SPECC1: variants seen among roughly 807,000 people sequenced by gnomAD.
The protein encoded by SPECC1 is cytospin-B.
SPECC1 carries 62 observed loss-of-function variants against 104.1 expected under a neutral mutation model. That is an observed-to-expected ratio of 0.60 (90% CI 0.49 to 0.74). The LOEUF is 0.74. Ranked by LOEUF, SPECC1 falls within the 30% of genes least tolerant of loss-of-function variation. The pLI is 0.00. For synonymous variants in SPECC1, 513 were observed against 501.6 expected (o/e 1.02, Z -0.30); for missense variants, 1,306 against 1,310.5 (o/e 1.00, Z 0.05).
chr17:20,051,074 TTC>T (rs762236875), intron 1 of SPECC1, among the ~76,000 whole-genome samples: 924 of 63,562 alleles, frequency 0.015, 20 homozygotes, highest in South Asian at 0.033. Flanking sequence ...TTCTTTTTCT[TTC>T]TTTCTTTCTT....
intron 4 of SPECC1, 68 bp from the exon 5 acceptor site, chr17:20,227,345 C>T: frequency 7.2e-7 from 1 of 1,388,114 alleles, no homozygotes; most frequent in Non-Finnish European, 1.0e-6. Context: ...GCTTGGCCTT[C>T]TAGTGTACAG....
chr17:20,144,300 C>A (rs1201874873), intron 3 of SPECC1, among the ~76,000 whole-genome samples: 1 of 148,442 alleles, frequency 6.7e-6, no homozygotes, highest in Non-Finnish European at 1.5e-5. Flanking sequence ...AAGTGATTCT[C>A]CTGCCTCAGA....
rs561486413 is a variant in SPECC1 at position 20,255,856 on chromosome 17, G to A, written c.2681-1595G>A. 3.3e-5 allele frequency among the ~76,000 whole-genome samples: 5 copies of A among 151,952 alleles called. No individual in the cohort carries two copies. In the East Asian group the frequency reaches 7.7e-4, roughly 24 times the overall value. On this transcript the variant is annotated intron_variant, in intron 10 of 14. Coordinates refer to ENST00000395527, the MANE Select transcript of SPECC1 (RefSeq NM_001243439.2). Reference sequence around the variant, plus strand: ...CAAAGCGCTGGGATTACAGTTATGAGCCATCATGCCTGGCCAAGAAACCAT... The same window carrying A: ...CAAAGCGCTGGGATTACAGTTATGAACCATCATGCCTGGCCAAGAAACCAT...
chr17:20,279,270 AG>A (rs1432426194), intron 12 of SPECC1, among the ~76,000 whole-genome samples: 2 of 150,044 alleles, frequency 1.3e-5, no homozygotes, highest in Non-Finnish European at 3.0e-5. Context: ...AGTCTTTCTG[AG>A]GGTAGAAGGT....
At chr17:20,107,027 C>G (rs1213124395) in intron 2 of SPECC1, among the ~76,000 whole-genome samples, 3 of 150,824 alleles carry the variant, frequency 2.0e-5, no homozygotes, top group Non-Finnish European at 4.4e-5. Context: ...TGTGGAGGCA[C>G]ACGCCTGTAG....
intron 1 of SPECC1, among the ~76,000 whole-genome samples, chr17:20,015,552 T>C (rs572250041): frequency 1.3e-5 from 2 of 151,544 alleles, no homozygotes; most frequent in Non-Finnish European, 2.9e-5. Flanking sequence ...TTTTAAATAT[T>C]GATTATCATA....
Position 20,205,743 on chromosome 17 carries a change from C to T in SPECC1, c.1694C>T (p.Ala565Val). The T allele has an allele frequency of 6.2e-7, 1 of 1,614,134 alleles. No homozygotes were observed. The highest frequency in any genetic ancestry group is 8.5e-7 in the Non-Finnish European group (1 of 1,180,028). Residue 565 changes from alanine to valine, a missense_variant, in exon 4 of 15, where the codon GCC (alanine) becomes GTC (valine). By Grantham distance (64) the Ala-to-Val change is moderately conservative. Coordinates refer to ENST00000395527, the MANE Select transcript of SPECC1 (RefSeq NM_001243439.2). ...CATTTGCAGGGTGAGAAGCAGAAAG[C>T]CACAGAGGCCAGTGCTGTGGAGCAG... ...KSHLQGEKQKATEASAVEQTA... is the reference protein window; with the variant it reads ...KSHLQGEKQKVTEASAVEQTA...
chr17:20,160,056 T>C (rs1217883262), intron 3 of SPECC1, among the ~76,000 whole-genome samples: 2 of 152,246 alleles, frequency 1.3e-5, no homozygotes, highest in Non-Finnish European at 2.9e-5. Flanking sequence ...TACCAGCTTA[T>C]TATTTGTTTT....
chr17:20,238,571 G>T (rs2039046259), intron 7 of SPECC1: 1 of 1,042,800 alleles, frequency 9.6e-7, no homozygotes, highest in African/African-American at 1.7e-5. Context: ...GTGTCAAACT[G>T]GACAGCACAG....
chr17:20,062,370 T>A (rs2046218020), intron 1 of SPECC1, among the ~76,000 whole-genome samples: 1 of 152,220 alleles, frequency 6.6e-6, no homozygotes, highest in Admixed American at 6.5e-5. Flanking sequence ...CAGGTATTTT[T>A]ATTTTAAAAT....
chr17:20,210,860 TGGCCG>T (rs2037098848), intron 4 of SPECC1, among the ~76,000 whole-genome samples: 1 of 151,630 alleles, frequency 6.6e-6, no homozygotes, highest in Non-Finnish European at 1.5e-5. Context: ...ATGCCAGGCC[TGGCCG>T]GGCCAGTGAC....
At chr17:20,238,950 T>G (rs2039066864) in intron 7 of SPECC1, 4 of 1,040,166 alleles carry the variant, frequency 3.8e-6, no homozygotes, top group Non-Finnish European at 4.6e-6. Context: ...TATGTCGTTT[T>G]GTTCTACATT....
chr17:20,111,243 C>T (rs12935996), intron 3 of SPECC1, among the ~76,000 whole-genome samples: 15,002 of 152,122 alleles, frequency 0.099, 942 homozygotes, highest in Middle Eastern at 0.19. Flanking sequence ...TTGTCTAAGA[C>T]GGGAAAAATA....
At position 20,190,721 on chromosome 17, in the gene SPECC1, G is replaced by A. The variant is rs538498138; in HGVS notation, c.284-13612G>A. ...TAAATGTATAATGCCATGTATCCAA[G>A]TTTTTTGTAGAGACAGGGCCTTGCT... On this transcript the variant is annotated intron_variant, in intron 3 of 14. Coordinates refer to ENST00000395527, the MANE Select transcript of SPECC1 (RefSeq NM_001243439.2). 2.0e-5 allele frequency among the ~76,000 whole-genome samples: 3 copies of A among 152,296 alleles called. No homozygotes were observed. In the South Asian group the frequency reaches 6.2e-4, roughly 32 times the overall value.
At chr17:20,055,606 A>T (rs1309419482) in intron 1 of SPECC1, among the ~76,000 whole-genome samples, 1 of 152,218 alleles carries the variant, frequency 6.6e-6, no homozygotes. Flanking sequence ...AGGGAATTTC[A>T]CATTAGCAGA....
chr17:20,112,895 G>A lies in SPECC1; in HGVS notation c.283+2333G>A, dbSNP rs2048564385. ...AGAGAATTGTGATCTGTCTGGGTGT[G>A]ATCTTCAAGAAGCCAACCTGAGAGG... On this transcript the variant is annotated intron_variant, in intron 3 of 14. Transcript: ENST00000395527. The A allele has an allele frequency of 4.5e-6, 7 of 1,566,836 alleles. No individual in the cohort carries two copies. The Admixed American group carries it at 1.0e-4, about 22-fold the overall frequency.
At chr17:20,127,061 A>G (rs1026657366) in intron 3 of SPECC1, among the ~76,000 whole-genome samples, 7 of 152,188 alleles carry the variant, frequency 4.6e-5, no homozygotes, top group Admixed American at 3.9e-4. Context: ...AAAGTTTATC[A>G]TCTAATGTGC....
chr17:20,269,858 G>A lies in SPECC1; in HGVS notation c.2940+9564G>A, dbSNP rs185688269. On this transcript the variant is annotated intron_variant, in intron 12 of 14. Coordinates refer to ENST00000395527, the MANE Select transcript of SPECC1 (RefSeq NM_001243439.2). ...CAGTAATAAATCTGTGAATAGCCGT[G>A]GCCATGACTCCATGCTGCGTCCTGT... is the stretch of plus-strand genomic sequence containing the variant. Among the ~76,000 whole-genome samples, 4 of 152,276 alleles carry A rather than the reference G, an allele frequency of 2.6e-5. No individual in the cohort carries two copies. The East Asian group carries it at 7.7e-4, about 29-fold the overall frequency.
At chr17:20,251,224 C>CAAAATAAAAAAAAAAAAAAAAAAA (rs2039617177) in intron 9 of SPECC1, among the ~76,000 whole-genome samples, 1 of 51,044 alleles carries the variant, frequency 2.0e-5, no homozygotes, top group Non-Finnish European at 3.4e-5. Context: ...GACTCTATCT[C>CAAAATAAAAAAAAAAAAAAAAAAA]AAAAAAAAAA....
Sources: allele counts gnomAD v4.1 joint callset (sites outside exome capture counted in the v4.1 genomes callset), GRCh38; gene constraint gnomAD v4.1.1; transcripts MANE v1.5; gene names NCBI Gene and HGNC (gene_info 2026-07-23, HGNC 2026-07-21).